DPP6: variants seen among roughly 807,000 people sequenced by gnomAD.
The protein encoded by DPP6 is dipeptidyl peptidase like 6.
A neutral mutation model predicts 122.6 loss-of-function variants in DPP6; 69 were observed. The observed-to-expected ratio is 0.56, with a 90% CI of 0.46 to 0.69. The LOEUF (loss-of-function observed/expected upper bound fraction) is 0.69. DPP6 is among the 30% of genes least tolerant of loss of function. The probability of loss-of-function intolerance (pLI) is 0.00; values close to 1 mark genes in which losing one functional copy is unlikely to be tolerated. For synonymous variants in DPP6, 418 were observed against 433.1 expected (o/e 0.97, Z 0.43); for missense variants, 928 against 1,116.9 (o/e 0.83, Z 2.41).
intron 2 of DPP6, among the ~76,000 whole-genome samples, chr7:154,466,547 G>A (rs368829566): frequency 6.6e-6 from 1 of 152,142 alleles, no homozygotes; most frequent in African/African-American, 2.4e-5. Context: ...GGAAAATAGA[G>A]CTCTTGTTTC....
intron 1 of DPP6, among the ~76,000 whole-genome samples, chr7:154,374,850 G>C (rs1323208709): frequency 6.6e-6 from 1 of 152,178 alleles, no homozygotes; most frequent in African/African-American, 2.4e-5. Context: ...GAACTCAGGT[G>C]ATCTGCCCGC....
chr7:154,494,251 G>A (rs920168730), intron 3 of DPP6, among the ~76,000 whole-genome samples: 1 of 151,964 alleles, frequency 6.6e-6, no homozygotes, highest in Non-Finnish European at 1.5e-5. Flanking sequence ...AGCTACTCAG[G>A]AGGCTGAGGC....
chr7:154,429,891 C>A (rs549499835), intron 1 of DPP6, among the ~76,000 whole-genome samples: 2 of 152,290 alleles, frequency 1.3e-5, no homozygotes, highest in East Asian at 3.9e-4. Flanking sequence ...ATATTCCAGT[C>A]CTGGCATTTA....
chr7:154,132,024 T>G (rs1170468111), intron 1 of DPP6, among the ~76,000 whole-genome samples: 1 of 152,174 alleles, frequency 6.6e-6, no homozygotes, highest in Non-Finnish European at 1.5e-5. Flanking sequence ...TTGGCAAGTT[T>G]TGCAGATGAG....
intron 7 of DPP6, among the ~76,000 whole-genome samples, chr7:154,699,389 A>G (rs1840391939): frequency 6.6e-6 from 1 of 152,220 alleles, no homozygotes; most frequent in South Asian, 2.1e-4. Context: ...ACTGCAATAT[A>G]AAAAGATTTG....
intron 3 of DPP6, among the ~76,000 whole-genome samples, chr7:154,527,009 A>C (rs556500927): frequency 6.6e-6 from 1 of 152,374 alleles, no homozygotes; most frequent in Non-Finnish European, 1.5e-5. Context: ...CCCAAAAGGG[A>C]TGAAATGAAA....
chr7:154,684,020 C>A (rs1306469908), intron 7 of DPP6, among the ~76,000 whole-genome samples: 1 of 152,172 alleles, frequency 6.6e-6, no homozygotes, highest in East Asian at 1.9e-4. Flanking sequence ...AGGCACGTGC[C>A]ACCATGCCTG....
intron 1 of DPP6, among the ~76,000 whole-genome samples, chr7:154,289,480 C>G (rs1585840549): frequency 6.6e-6 from 1 of 152,208 alleles, no homozygotes; most frequent in Non-Finnish European, 1.5e-5. Context: ...CTAGTTCAAT[C>G]CTCTCATGCC....
chr7:153,808,460 T>G, the DPP6 span, among the ~76,000 whole-genome samples: 2 of 151,990 alleles, frequency 1.3e-5, no homozygotes, highest in Non-Finnish European at 2.9e-5. Flanking sequence ...TGTGTATGTG[T>G]GATGAGAACA....
the DPP6 span, among the ~76,000 whole-genome samples, chr7:153,866,185 G>T: frequency 6.6e-6 from 1 of 152,094 alleles, no homozygotes; most frequent in African/African-American, 2.4e-5. Context: ...GGATGGCTGG[G>T]TCAAATGGTA....
chr7:154,756,399 A>G (rs1198634294), intron 8 of DPP6, among the ~76,000 whole-genome samples: 1 of 151,976 alleles, frequency 6.6e-6, no homozygotes, highest in Non-Finnish European at 1.5e-5. Flanking sequence ...TCAATGTTTT[A>G]TGACACCTGC....
At chr7:154,477,212 A>G (rs1822823491) in intron 3 of DPP6, among the ~76,000 whole-genome samples, 4 of 152,164 alleles carry the variant, frequency 2.6e-5, no homozygotes, top group Admixed American at 2.6e-4. Context: ...ACTGTTTCTC[A>G]GTGGTATACA....
intron 7 of DPP6, among the ~76,000 whole-genome samples, chr7:154,699,916 C>T (rs929511719): frequency 2.6e-5 from 4 of 152,152 alleles, no homozygotes; most frequent in East Asian, 1.9e-4. Flanking sequence ...GCTCTGGAGT[C>T]GGACAGCCTG....
At chr7:154,495,452 G>T (rs149665447) in intron 3 of DPP6, among the ~76,000 whole-genome samples, 2 of 151,416 alleles carry the variant, frequency 1.3e-5, no homozygotes, top group East Asian at 4.0e-4. Context: ...CCAGGCTAAA[G>T]TGCAGTGGCT....
intron 23 of DPP6, among the ~76,000 whole-genome samples, chr7:154,888,699 G>T (rs1423994987): frequency 6.6e-6 from 1 of 152,316 alleles, no homozygotes; most frequent in South Asian, 2.1e-4. Context: ...CAAAAAGGGA[G>T]TTAATGTGGG....
chr7:154,648,005 CT>C (rs1836606003), intron 6 of DPP6, among the ~76,000 whole-genome samples: 1 of 151,750 alleles, frequency 6.6e-6, no homozygotes, highest in Non-Finnish European at 1.5e-5. Context: ...AATCCCAGCA[CT>C]TTGGGGGACC....
chr7:154,090,471 T>C (rs1161217056), intron 1 of DPP6, among the ~76,000 whole-genome samples: 1 of 152,230 alleles, frequency 6.6e-6, no homozygotes, highest in Non-Finnish European at 1.5e-5. Context: ...TTATGAAATC[T>C]AGGGTTTGTA....
chr7:154,003,446 A>G (rs894628483), intron 1 of DPP6, among the ~76,000 whole-genome samples: 1 of 152,232 alleles, frequency 6.6e-6, no homozygotes, highest in African/African-American at 2.4e-5. Context: ...TCATTTGATA[A>G]AAGCTGAGCG....
At chr7:153,792,530 C>T in the DPP6 span, among the ~76,000 whole-genome samples, 2 of 152,092 alleles carry the variant, frequency 1.3e-5, no homozygotes, top group African/African-American at 4.8e-5. Context: ...TTCAATTTCT[C>T]TAATAGATGT....
Sources: gnomAD v4.1 joint callset for allele counts (sites outside exome capture counted in the v4.1 genomes callset) on GRCh38, gnomAD v4.1.1 for gene constraint, MANE v1.5 for transcripts, NCBI Gene and HGNC (gene_info 2026-07-23, HGNC 2026-07-21) for gene names.